KDM3B: variants seen among roughly 807,000 people sequenced by gnomAD.
KDM3B encodes lysine-specific demethylase 3B.
A neutral mutation model predicts 170.0 loss-of-function variants in KDM3B; 10 were observed. That is an observed-to-expected ratio of 0.06 (90% CI 0.04 to 0.10). The LOEUF is 0.10. Ranked by LOEUF, KDM3B falls within the 10% of genes least tolerant of loss-of-function variation. The pLI is 1.00. For missense variants in KDM3B, 1,394 were observed against 2,195.2 expected, an observed-to-expected ratio of 0.64 and a Z score of 7.29; for synonymous variants, 831 against 834.8, an observed-to-expected ratio of 1.00 and a Z score of 0.08.
chr5:138,428,940 CTTTTTT>C (rs397884825), intron 20 of KDM3B, among the ~76,000 whole-genome samples: 4 of 101,234 alleles, frequency 4.0e-5, no homozygotes, highest in Admixed American at 1.1e-4. Context: ...GGGATAATTT[CTTTTTT>C]TTTTTTTTTT....
rs1762433945 is a variant in KDM3B at position 138,391,662 on chromosome 5, C to G, written c.2030C>G (p.Ser677Cys). The G allele has an allele frequency of 1.9e-6, 3 of 1,614,090 alleles. No homozygotes were observed. In the East Asian group the frequency reaches 6.7e-5, roughly 36 times the overall value. ...AAGGTGGCACCCAGCTGGCCCGAGT[C>G]TCACTCCTCTGCAGATTCGGCATCT... ...TSKVAPSWPE[S>C]HSSADSASLA... is the part of the protein sequence containing the mutation. Residue 677 changes from serine (S) to cysteine (C), a missense_variant, in exon 8 of 24, where the codon TCT becomes TGT. By Grantham distance (112) the Ser-to-Cys change is moderately radical (BLOSUM62 -1). Coordinates refer to ENST00000314358, the MANE Select transcript of KDM3B (RefSeq NM_016604.4). The surrounding 1 kb of genome is among the most constrained non-coding windows in gnomAD (Gnocchi z 5.0).
intron 1 of KDM3B, among the ~76,000 whole-genome samples, chr5:138,361,631 T>C (rs974029472): frequency 9.2e-5 from 14 of 152,346 alleles, no homozygotes; most frequent in Admixed American, 5.9e-4. Context: ...CCTTCACTTT[T>C]CTAGTATTTT....
chr5:138,433,434 T>C (rs1428455795), intron 23 of KDM3B, among the ~76,000 whole-genome samples: 1 of 146,872 alleles, frequency 6.8e-6, no homozygotes, highest in Non-Finnish European at 1.5e-5. Context: ...TTTGAGACAG[T>C]CTCACTCTGT....
At chr5:138,381,657 C>T (rs1762129007) in intron 6 of KDM3B, 67 bp downstream of exon 6, 3 of 973,436 alleles carry the variant, frequency 3.1e-6, no homozygotes, top group Admixed American at 3.9e-5. Context: ...GTGTAGATCC[C>T]TTATATATGT....
intron 10 of KDM3B, 72 bp from the exon 11 acceptor site, chr5:138,399,788 G>GA (rs1253388130): frequency 2.8e-6 from 4 of 1,407,064 alleles, no homozygotes; most frequent in Non-Finnish European, 3.9e-6. Flanking sequence ...CTTGAGTAGG[G>GA]ATCAGTGGGT....
At chr5:138,409,019 C>T (rs1431436246) in intron 11 of KDM3B, among the ~76,000 whole-genome samples, 1 of 152,068 alleles carries the variant, frequency 6.6e-6, no homozygotes, top group Non-Finnish European at 1.5e-5. Flanking sequence ...TCTGAAAAGG[C>T]TCTTTGGAGA....
At chr5:138,360,397 C>T (rs1010980832) in intron 1 of KDM3B, among the ~76,000 whole-genome samples, 5 of 151,846 alleles carry the variant, frequency 3.3e-5, no homozygotes, top group Admixed American at 6.6e-5. Flanking sequence ...ATTGTGAGCC[C>T]GTCTAAGCAC....
rs1561774523 is a variant in KDM3B at position 138,392,139 on chromosome 5, G to A, written c.2507G>A (p.Gly836Glu). 1 of 1,589,430 alleles carries A rather than the reference G, an allele frequency of 6.3e-7. No individual in the cohort carries two copies. The highest frequency in any genetic ancestry group is 8.6e-7 in the Non-Finnish European group (1 of 1,161,486). ...CTGCAGGCTAAGACAGGCCTGAAGGGAATTCCAGAGCACCTGATGGGGAAG... is the reference window on the plus strand; with the variant it reads ...CTGCAGGCTAAGACAGGCCTGAAGGAAATTCCAGAGCACCTGATGGGGAAG... ...EQLQAKTGLKGIPEHLMGKLG... is the reference protein window; with the variant it reads ...EQLQAKTGLKEIPEHLMGKLG... The change falls in exon 8 of 24, where the codon GGA (glycine) becomes GAA (glutamate). Residue 836 changes from glycine to glutamate, a missense_variant. Gly to Glu is a moderately conservative substitution (Grantham distance 98). Coordinates refer to ENST00000314358, the MANE Select transcript of KDM3B (RefSeq NM_016604.4).
chr5:138,363,537 T>C (rs534733769), intron 1 of KDM3B, among the ~76,000 whole-genome samples: 2 of 152,326 alleles, frequency 1.3e-5, no homozygotes, highest in Admixed American at 1.3e-4. Flanking sequence ...AGTGTAGAAA[T>C]TATTCTAATA....
intron 1 of KDM3B, among the ~76,000 whole-genome samples, chr5:138,356,118 T>C (rs1214554248): frequency 6.6e-6 from 1 of 152,232 alleles, no homozygotes; most frequent in Non-Finnish European, 1.5e-5. Flanking sequence ...TATTCAGTTA[T>C]TCCTCCTGTT....
chr5:138,397,194 G>T (rs895254414), intron 9 of KDM3B, among the ~76,000 whole-genome samples: 3 of 152,126 alleles, frequency 2.0e-5, no homozygotes, highest in Admixed American at 2.0e-4. Context: ...AATCAGCTGG[G>T]CGTGGTGGCA....
At chr5:138,372,051 T>C (rs1022645779) in intron 1 of KDM3B, among the ~76,000 whole-genome samples, 1 of 152,072 alleles carries the variant, frequency 6.6e-6, no homozygotes, top group African/African-American at 2.4e-5. Context: ...ATGTGGAGGT[T>C]GCAGTGAGCT....
At chr5:138,422,212 TTC>T (rs1390731402) in intron 15 of KDM3B, among the ~76,000 whole-genome samples, 2 of 152,236 alleles carry the variant, frequency 1.3e-5, no homozygotes, top group African/African-American at 2.4e-5. Context: ...ATGTTTGATT[TTC>T]TGTTTCTTGC....
chr5:138,373,746 A>G (rs188649922), intron 2 of KDM3B, among the ~76,000 whole-genome samples: 164 of 152,008 alleles, frequency 1.1e-3, no homozygotes, highest in Middle Eastern at 6.8e-3. Context: ...CAGCCTCCCA[A>G]AGTGCTGGGA....
intron 5 of KDM3B, among the ~76,000 whole-genome samples, chr5:138,380,717 C>A (rs1009050137): frequency 2.0e-5 from 3 of 152,114 alleles, no homozygotes; most frequent in African/African-American, 7.2e-5. Flanking sequence ...AATTGCCCCC[C>A]ACTGAGTTTT....
intron 1 of KDM3B, among the ~76,000 whole-genome samples, chr5:138,361,361 C>G (rs1236718577): frequency 6.7e-6 from 1 of 148,846 alleles, no homozygotes; most frequent in African/African-American, 2.5e-5. Context: ...TTCCTTTTTT[C>G]ATGACTTCAG....
At position 138,371,717 on chromosome 5, in the gene KDM3B, C is replaced by T. The variant is rs540565479; in HGVS notation, c.193-957C>T. Reference sequence around the variant, plus strand: ...TGGTGGCTCATACCTGTAATCCCAACACTTTGGGAGGTCAGGGTAGGAGGA... The same window carrying T: ...TGGTGGCTCATACCTGTAATCCCAATACTTTGGGAGGTCAGGGTAGGAGGA... On this transcript the variant is annotated intron_variant, in intron 1 of 23. Coordinates refer to ENST00000314358, the MANE Select transcript of KDM3B (RefSeq NM_016604.4). Among the ~76,000 whole-genome samples, 31 of 152,220 alleles carry T rather than the reference C, an allele frequency of 2.0e-4. 1 individual carries two copies. In the East Asian group the frequency reaches 6.0e-3, roughly 29 times the overall value.
Position 138,427,317 on chromosome 5 carries a change from A to G in KDM3B, c.4631A>G (p.Tyr1544Cys). 1.2e-6 allele frequency: 2 copies of G among 1,611,486 alleles called. No individual in the cohort carries two copies. The highest frequency in any genetic ancestry group is 1.7e-6 in the Non-Finnish European group (2 of 1,177,780). ...PDLGPKMYNA[Y>C]GLITAEDRRV... ...CTGGGCCCCAAGATGTACAACGCCT[A>G]TGGTATGAGGGAGAGGCTAAAATTG... The change falls in exon 19 of 24, where the codon TAT (tyrosine) becomes TGT (cysteine). Residue 1544 changes from tyrosine (Y) to cysteine (C), a missense_variant and splice_region_variant. Tyr to Cys is a radical substitution (Grantham distance 194, BLOSUM62 -2). Around this residue, in one of 19 missense-constraint regions of KDM3B, gnomAD observed 79 missense variants for 270.5 expected, o/e 0.29. Transcript: ENST00000314358.
At chr5:138,400,829 C>T (rs1762665434) in intron 11 of KDM3B, among the ~76,000 whole-genome samples, 1 of 152,112 alleles carries the variant, frequency 6.6e-6, no homozygotes, top group African/African-American at 2.4e-5. Flanking sequence ...ACCTGACAAC[C>T]CATACCTGTT....
Sources: gnomAD v4.1 joint callset for allele counts (sites outside exome capture counted in the v4.1 genomes callset) on GRCh38, gnomAD v4.1.1 for gene constraint, gnomAD v4.1.1 regional missense constraint, Gnocchi (gnomAD v3.1) non-coding constraint, MANE v1.5 for transcripts, NCBI Gene and HGNC (gene_info 2026-07-23, HGNC 2026-07-21) for gene names.